The following DIAPH2 variants were observed in gnomAD, a reference collection of about 807,000 sequenced individuals.
DIAPH2 encodes diaphanous related formin 2.
Under a neutral mutation model 92.7 loss-of-function variants are expected in DIAPH2, and 35 were observed. The ratio of observed to expected loss-of-function variants is 0.38; its 90% CI spans 0.29 to 0.50. The LOEUF (loss-of-function observed/expected upper bound fraction) is 0.50. DIAPH2 is among the 20% of genes least tolerant of loss of function. DIAPH2 has a pLI of 0.94. For missense variants in DIAPH2, 701 were observed against 819.5 expected, an observed-to-expected ratio of 0.86 and a Z score of 1.77; for synonymous variants, 301 against 280.4, an observed-to-expected ratio of 1.07 and a Z score of -0.73.
intron 22 of DIAPH2, among the ~76,000 whole-genome samples, chrX:97,169,940 A>G (rs1386014916): frequency 1.8e-5 from 2 of 112,468 alleles, no homozygotes; most frequent in African/African-American, 6.5e-5. Context: ...GGTTTGTGAG[A>G]AAAACAGAGT....
intron 26 of DIAPH2, among the ~76,000 whole-genome samples, chrX:97,542,699 G>A (rs374485038): frequency 9.0e-6 from 1 of 111,431 alleles, no homozygotes; most frequent in South Asian, 3.8e-4. Flanking sequence ...CATGGCCAAG[G>A]GAGACAATCC....
intron 23 of DIAPH2, among the ~76,000 whole-genome samples, chrX:97,340,873 G>A (rs1050110376): frequency 7.3e-5 from 8 of 109,305 alleles, no homozygotes; most frequent in African/African-American, 1.3e-4. Flanking sequence ...GGTTGGTCTC[G>A]AACTCCTGAC....
At chrX:97,265,065 G>A (rs1343848447) in intron 23 of DIAPH2, among the ~76,000 whole-genome samples, 1 of 111,998 alleles carries the variant, frequency 8.9e-6, no homozygotes, top group African/African-American at 3.2e-5. Flanking sequence ...TTCTACAGGT[G>A]TTAGTCTACT....
At chrX:97,212,318 A>G (rs1043205978) in intron 22 of DIAPH2, among the ~76,000 whole-genome samples, 23 of 111,631 alleles carry the variant, frequency 2.1e-4, no homozygotes, top group Non-Finnish European at 1.1e-4. Flanking sequence ...TATTTTATCA[A>G]TCTTTATTTC....
chrX:97,561,056 T>C (rs2071291014), intron 26 of DIAPH2, among the ~76,000 whole-genome samples: 1 of 111,968 alleles, frequency 8.9e-6, no homozygotes. Context: ...GTTTTCTGCT[T>C]CTGAGACTAT....
intron 17 of DIAPH2, among the ~76,000 whole-genome samples, chrX:97,004,461 T>G (rs191227632): frequency 3.1e-4 from 35 of 111,962 alleles, no homozygotes; most frequent in Admixed American, 2.8e-3. Flanking sequence ...TTAAATTTTT[T>G]TTGGTGTCCT....
In DIAPH2 at chrX:97,072,980, G is replaced by T. The variant is rs1307964676; in HGVS notation, c.2090G>T (p.Gly697Val). ...GAAGCATTAGAAGAAAAGAAGACTG[G>T]GCCTACAAAGAAGAAAGTGAAAGAA... ...NAEALEEKKT[G>V]PTKKKVKELR... The change falls in exon 18 of 27, where the codon GGG becomes GTG. Residue 697 changes from glycine to valine, a missense_variant. By Grantham distance (109) the Gly-to-Val change is moderately radical (BLOSUM62 -3). Coordinates refer to ENST00000324765, the MANE Select transcript of DIAPH2 (RefSeq NM_006729.5). The T allele has an allele frequency of 8.3e-7, 1 of 1,201,211 alleles. No homozygotes were observed. The highest frequency in any genetic ancestry group is 1.1e-6 in the Non-Finnish European group (1 of 892,151).
rs2066903285 is a variant in DIAPH2 at position 97,101,122 on chromosome X, A to G, written c.2349+1327A>G. Among the ~76,000 whole-genome samples the G allele has an allele frequency of 2.7e-5, 3 of 112,033 alleles. No individual in the cohort carries two copies. In the South Asian group the frequency reaches 1.1e-3, roughly 41 times the overall value. On this transcript the variant is annotated intron_variant, in intron 20 of 26. Transcript: ENST00000324765. ...AATACAGTTATTTAGATCAAAGTCC[A>G]CACTTGAAGCCTAAGCTGCTTGGAT...
At chrX:97,503,229 G>T (rs899248244) in intron 26 of DIAPH2, among the ~76,000 whole-genome samples, 1 of 111,656 alleles carries the variant, frequency 9.0e-6, no homozygotes, top group Admixed American at 9.5e-5. Context: ...CCCTTTCCTC[G>T]GGAAATTATA....
chrX:97,100,999 A>G (rs968302837), intron 20 of DIAPH2, among the ~76,000 whole-genome samples: 10 of 112,252 alleles, frequency 8.9e-5, no homozygotes, highest in African/African-American at 2.9e-4. Context: ...ATGGTATCTG[A>G]GAAAGGTATT....
intron 5 of DIAPH2, among the ~76,000 whole-genome samples, chrX:96,892,599 G>T (rs976344679): frequency 9.0e-6 from 1 of 111,490 alleles, no homozygotes; most frequent in Non-Finnish European, 1.9e-5. Context: ...ACATAATTCT[G>T]ACTTCGGCAC....
At chrX:97,438,120 T>TA in intron 26 of DIAPH2, among the ~76,000 whole-genome samples, 1 of 101,328 alleles carries the variant, frequency 9.9e-6, no homozygotes. Context: ...GACCCTCTCT[T>TA]TAAAAAAAAA....
intron 5 of DIAPH2, among the ~76,000 whole-genome samples, chrX:96,906,569 A>G (rs1354624914): frequency 9.0e-6 from 1 of 111,693 alleles, no homozygotes; most frequent in Non-Finnish European, 1.9e-5. Context: ...TCTCATCCCT[A>G]TTTTGAAAAT....
In DIAPH2 at chrX:97,237,774, A is replaced by G. The variant is rs184285903; in HGVS notation, c.2720-9941A>G. On this transcript the variant is annotated intron_variant, in intron 22 of 26. Coordinates refer to ENST00000324765, the MANE Select transcript of DIAPH2 (RefSeq NM_006729.5). ...TTTTTTGTATTTTTAGTAGAGACGG[A>G]GTTTCACCTTGTTAGCCAGGATGGT... Among the ~76,000 whole-genome samples the G allele has an allele frequency of 3.4e-3, 378 of 109,811 alleles. 2 individuals are homozygous for G. The highest frequency in any genetic ancestry group is 0.023 in the Middle Eastern group (5 of 215).
At chrX:97,202,343 C>A (rs1269544025) in intron 22 of DIAPH2, among the ~76,000 whole-genome samples, 1 of 111,434 alleles carries the variant, frequency 9.0e-6, no homozygotes, top group African/African-American at 3.3e-5. Flanking sequence ...GGGCTAAATG[C>A]CGCAATTAAA....
chrX:96,772,596 G>A (rs2064346342), intron 4 of DIAPH2, among the ~76,000 whole-genome samples: 1 of 112,400 alleles, frequency 8.9e-6, no homozygotes, highest in African/African-American at 3.2e-5. Flanking sequence ...GATGTGACCA[G>A]TGACATTTAG....
intron 20 of DIAPH2, among the ~76,000 whole-genome samples, chrX:97,105,312 GA>G (rs1005627002): frequency 1.8e-5 from 2 of 108,597 alleles, no homozygotes; most frequent in Non-Finnish European, 3.8e-5. Context: ...GGAAAAAAGA[GA>G]AAAAAAAAGA....
intron 4 of DIAPH2, among the ~76,000 whole-genome samples, chrX:96,789,957 G>A (rs1602509117): frequency 9.0e-6 from 1 of 111,249 alleles, no homozygotes; most frequent in South Asian, 3.8e-4. Flanking sequence ...TCATAGTGCA[G>A]GACCTAAGAA....
At chrX:97,109,266 C>A (rs1468366195) in intron 20 of DIAPH2, among the ~76,000 whole-genome samples, 3 of 110,320 alleles carry the variant, frequency 2.7e-5, no homozygotes, top group African/African-American at 9.9e-5. Context: ...CAAAAAAATA[C>A]AAAACTTAGC....
Sources: gnomAD v4.1 joint callset for allele counts (sites outside exome capture counted in the v4.1 genomes callset) on GRCh38, gnomAD v4.1.1 for gene constraint, MANE v1.5 for transcripts, NCBI Gene and HGNC (gene_info 2026-07-23, HGNC 2026-07-21) for gene names.